ATP13A1: variants seen among roughly 807,000 people sequenced by gnomAD.
ATP13A1 encodes the protein ATPase 13A1.
In ATP13A1, 55 loss-of-function variants were observed where a neutral mutation model predicts 134.8. That is an observed-to-expected ratio of 0.41 (90% CI 0.33 to 0.51). The LOEUF (loss-of-function observed/expected upper bound fraction) is 0.51, where lower values mean the gene tolerates loss of function less well. Among genes scored for constraint, ATP13A1 ranks in the 20% least tolerant of loss-of-function variants. The pLI, the probability that ATP13A1 is intolerant of heterozygous loss-of-function variation, is 0.29. For missense variants in ATP13A1, 1,389 were observed against 1,652.8 expected, an observed-to-expected ratio of 0.84 and a Z score of 2.77; for synonymous variants, 775 against 725.1, an observed-to-expected ratio of 1.07 and a Z score of -1.10.
chr19:19,646,986 G>A, intron 22 of ATP13A1, 143 bp downstream of exon 22: 2 of 936,204 alleles, frequency 2.1e-6, no homozygotes, highest in Non-Finnish European at 3.1e-6. Flanking sequence ...TGCCCTGCCA[G>A]CATTTCCTGA....
At chr19:19,655,000 C>T (rs1051721020) in intron 12 of ATP13A1, 119 bp downstream of exon 12, 68 of 1,448,518 alleles carry the variant, frequency 4.7e-5, no homozygotes, top group Non-Finnish European at 5.8e-5. Context: ...GAAATGAACC[C>T]GAGGCAGGGC....
chr19:19,660,333 T>C (rs1392270136), intron 1 of ATP13A1, among the ~76,000 whole-genome samples: 5 of 151,882 alleles, frequency 3.3e-5, no homozygotes, highest in African/African-American at 1.2e-4. Flanking sequence ...AATACACAAA[T>C]GAGCCGGACA....
chr19:19,651,794 C>T lies in ATP13A1; in HGVS notation c.2230G>A (p.Val744Ile). The change falls in exon 17 of 26, where the codon GTC becomes ATC. Residue 744 changes from valine to isoleucine, a missense_variant. Val to Ile is a conservative substitution (Grantham distance 29). Coordinates refer to ENST00000357324, the MANE Select transcript of ATP13A1 (RefSeq NM_020410.3). ...REIQNASHRV[V>I]MITGDNPLTA... ...AGCGGGTTGTCTCCCGTGATCATGA[C>T]CACCTTGGGTAAAGAGGGGCAGAGG... 1 of 1,611,580 alleles carries T rather than the reference C, an allele frequency of 6.2e-7. No homozygotes were observed. The highest frequency in any genetic ancestry group is 1.1e-5 in the South Asian group (1 of 90,806).
At chr19:19,658,325 G>A (rs566995164) in intron 3 of ATP13A1, among the ~76,000 whole-genome samples, 1 of 152,068 alleles carries the variant, frequency 6.6e-6, no homozygotes, top group African/African-American at 2.4e-5. Context: ...GATGTGAGAA[G>A]AGGAAACCAA....
Position 19,663,623 on chromosome 19 carries a change from GC to G in ATP13A1, c.43del (p.Ala15ProfsTer29). ...AAVGNAVPCG[A>X]RPCGVRPDGQ... ...GTCAGGCCGGACCCCGCAAGGCCGG[GC>G]CCCGCAGGGCACCGCGTTGCCCACC... On this transcript the variant is annotated frameshift_variant, in exon 1 of 26. Transcript: ENST00000357324. LOFTEE classifies it high-confidence loss of function. 1 of 1,350,620 alleles carries G rather than the reference GC, an allele frequency of 7.4e-7. No homozygotes were observed. The highest frequency in any genetic ancestry group is 1.8e-5 in the South Asian group (1 of 54,656). The allele number at this position is 1,350,620 out of a possible 1,614,324, so 83.7% of individuals were successfully genotyped here. A position where few individuals can be genotyped will look rare whatever the true frequency, so the allele number is the denominator to read the frequency against.
rs771064526 is a variant in ATP13A1, at chr19:19,655,405, G to A, written c.1445C>T (p.Thr482Ile). 8.1e-6 allele frequency: 13 copies of A among 1,613,994 alleles called. No homozygotes were observed. The highest frequency in any genetic ancestry group is 1.1e-5 in the Non-Finnish European group (13 of 1,179,894). The change falls in exon 11 of 26, where the codon ACC (threonine) becomes ATC (isoleucine). Residue 482 changes from threonine (T) to isoleucine (I), a missense_variant. Physicochemically the swap from Thr to Ile is moderately conservative, Grantham distance 89. Transcript: ENST00000357324. This position sits in a 1 kb window ranked among gnomAD's most constrained non-coding sequence, Gnocchi z 5.7. ...RNRYKLFLEC[T>I]LILTSVVPPE... ...AGGCACGACCGAGGTGAGGATCAGG[G>A]TGCACTCCAGAAACAGCTTGTAGCG...
intron 4 of ATP13A1, 86 bp downstream of exon 4, chr19:19,657,250 A>G (rs2062065325): frequency 8.7e-6 from 13 of 1,493,348 alleles, no homozygotes; most frequent in Non-Finnish European, 9.9e-6. Context: ...AGAGGCTTCC[A>G]GGTTTAGAAG....
chr19:19,662,328 G>C, intron 1 of ATP13A1: 13 of 985,436 alleles, frequency 1.3e-5, no homozygotes, highest in Non-Finnish European at 1.6e-5. Flanking sequence ...CAGGAGAGGA[G>C]AATGAGGATT....
chr19:19,660,589 C>G (rs2062088589), intron 1 of ATP13A1: 1 of 151,800 alleles, frequency 6.6e-6, no homozygotes, highest in Admixed American at 6.6e-5. Context: ...GAGATTGAGA[C>G]CATCCTGGCT....
In ATP13A1 at chr19:19,651,685, T is replaced by C; in HGVS notation, c.2335+4A>G. 6.2e-7 allele frequency: 1 copy of C among 1,608,926 alleles called. No homozygotes were observed. Among genetic ancestry groups the C allele is most frequent in the Non-Finnish European group, 8.5e-7 (1 of 1,177,550 alleles). ...CCCCACTGTGGGCCAGGCTAGGGCCTCACCTTTCTCGGAGGGAGGCTGCAG... is the reference window on the plus strand; with the variant it reads ...CCCCACTGTGGGCCAGGCTAGGGCCCCACCTTTCTCGGAGGGAGGCTGCAG... On this transcript the variant is annotated splice_donor_region_variant and intron_variant, in intron 17 of 25. Coordinates refer to ENST00000357324, the MANE Select transcript of ATP13A1 (RefSeq NM_020410.3).
At chr19:19,648,180 G>A (rs1041984819) in intron 19 of ATP13A1, among the ~76,000 whole-genome samples, 2 of 151,880 alleles carry the variant, frequency 1.3e-5, no homozygotes, top group Admixed American at 1.3e-4. Flanking sequence ...TTAGCCAGGG[G>A]TGGTGGCATG....
At position 19,649,893 on chromosome 19, in the gene ATP13A1, G is replaced by A; in HGVS notation, c.2383C>T (p.Leu795=). ...RSIDGSIVLP[L]ARGSPKALAL... is the part of the protein sequence containing the mutation. ...AGTGCCTTTGGGGAGCCCCGGGCCAGGGGCAGCACGATGCTGCCGTCAATG... is the reference window on the plus strand; with the variant it reads ...AGTGCCTTTGGGGAGCCCCGGGCCAAGGGCAGCACGATGCTGCCGTCAATG... The change falls in exon 18 of 26, where the codon CTG becomes TTG. Residue 795 remains leucine (L), a synonymous_variant. Transcript: ENST00000357324. 6.2e-7 allele frequency: 1 copy of A among 1,600,504 alleles called. No homozygotes were observed. The highest frequency in any genetic ancestry group is 8.5e-7 in the Non-Finnish European group (1 of 1,179,490).
At position 19,647,428 on chromosome 19, in the gene ATP13A1, G is replaced by A. The variant is rs749773859; in HGVS notation, c.2894C>T (p.Ser965Leu). The A allele has an allele frequency of 7.4e-6, 12 of 1,613,234 alleles. No homozygotes were observed. Among genetic ancestry groups the A allele is most frequent in the East Asian group, 2.2e-5 (1 of 44,876 alleles). The change falls in exon 21 of 26, where the codon TCA becomes TTA. Residue 965 changes from serine to leucine, a missense_variant. Coordinates refer to ENST00000357324, the MANE Select transcript of ATP13A1 (RefSeq NM_020410.3). This position sits in a 1 kb window ranked among gnomAD's most constrained non-coding sequence, Gnocchi z 4.8. Reference protein sequence around the residue: ...SIAAPFTSKLSSIQCICHVIK... With the variant: ...SIAAPFTSKLLSIQCICHVIK... ...AGGCAACTCACTGCACTGGATGGAT[G>A]AGAGCTTGGAGGTGAAGGGTGCTGC... is the stretch of plus-strand genomic sequence containing the variant.
intron 15 of ATP13A1, 78 bp from the exon 16 acceptor site, chr19:19,652,798 C>T (rs777066627): frequency 2.1e-5 from 31 of 1,491,494 alleles, no homozygotes; most frequent in South Asian, 5.2e-5. Context: ...TCTGACCATG[C>T]GCTGGGAGCC....
At chr19:19,654,892 G>A (rs556438100) in intron 12 of ATP13A1, among the ~76,000 whole-genome samples, 192 bp from the exon 13 acceptor site, 2 of 152,226 alleles carry the variant, frequency 1.3e-5, no homozygotes, top group African/African-American at 4.8e-5. Context: ...GTGCCTGGGG[G>A]TCATGTGGTG....
intron 3 of ATP13A1, among the ~76,000 whole-genome samples, chr19:19,658,187 A>G (rs2062072179): frequency 6.6e-6 from 1 of 150,630 alleles, no homozygotes; most frequent in Admixed American, 6.6e-5. Context: ...TCGAGAATGC[A>G]AGGACTTGGG....
rs760294918 is a variant in ATP13A1 at position 19,647,486 on chromosome 19, T to C, written c.2836A>G (p.Thr946Ala). Residue 946 changes from threonine (T) to alanine (A), a missense_variant, in exon 21 of 26, where the codon ACG becomes GCG. Around this residue, in one of 4 missense-constraint regions of ATP13A1, gnomAD observed 121 missense variants for 104.9 expected, o/e 1.15. Transcript: ENST00000357324. This position sits in a 1 kb window ranked among gnomAD's most constrained non-coding sequence, Gnocchi z 4.8. ...QVLRDLEDESTPIVKLGDASI... is the reference protein window; with the variant it reads ...QVLRDLEDESAPIVKLGDASI... ...GCATCCCCCAGTTTCACAATGGGCG[T>C]ACTCTCGTCCTCGAGGTCTCGCAGC... is the stretch of plus-strand genomic sequence containing the variant. 2 of 1,613,382 alleles carry C rather than the reference T, an allele frequency of 1.2e-6. No homozygotes were observed. Among genetic ancestry groups the C allele is most frequent in the South Asian group, 2.2e-5 (2 of 91,014 alleles).
At chr19:19,646,140 C>T in intron 23 of ATP13A1, 65 bp downstream of exon 23, 2 of 1,608,898 alleles carry the variant, frequency 1.2e-6, no homozygotes. Context: ...CTGCTGAAGT[C>T]TGTGGAGTCA....
At chr19:19,657,438 C>A (rs564477902) in intron 3 of ATP13A1, 30 bp from the exon 4 acceptor site, 50 of 1,551,512 alleles carry the variant, frequency 3.2e-5, no homozygotes, top group Admixed American at 3.9e-5. Context: ...ATCCTGTTCC[C>A]AGGGCAAGGC....
Sources: gnomAD v4.1 joint callset for allele counts (sites outside exome capture counted in the v4.1 genomes callset) on GRCh38, gnomAD v4.1.1 for gene constraint, gnomAD v4.1.1 regional missense constraint, Gnocchi (gnomAD v3.1) non-coding constraint, MANE v1.5 for transcripts, NCBI Gene and HGNC (gene_info 2026-07-23, HGNC 2026-07-21) for gene names.